The following LHFPL6 variants were observed in gnomAD, a reference collection of about 807,000 sequenced individuals.
LHFPL6 encodes LHFPL tetraspan subfamily member 6 protein.
Under a neutral mutation model 20.6 loss-of-function variants are expected in LHFPL6, and 9 were observed. The ratio of observed to expected loss-of-function variants is 0.44; its 90% CI spans 0.26 to 0.76. The LOEUF (loss-of-function observed/expected upper bound fraction) is 0.76, where lower values mean the gene tolerates loss of function less well. Among genes scored for constraint, LHFPL6 ranks in the 30% least tolerant of loss-of-function variants. The pLI is 0.20. For synonymous variants in LHFPL6, 105 were observed against 98.7 expected, an observed-to-expected ratio of 1.06 and a Z score of -0.38; for missense variants, 218 against 253.5, an observed-to-expected ratio of 0.86 and a Z score of 0.95.
chr13:39,465,887 T>C (rs1258724421), intron 2 of LHFPL6, among the ~76,000 whole-genome samples: 1 of 151,928 alleles, frequency 6.6e-6, no homozygotes, highest in African/African-American at 2.4e-5. Context: ...CCTAGCAAGG[T>C]GTATGTCTGG....
intron 2 of LHFPL6, among the ~76,000 whole-genome samples, chr13:39,472,694 C>T (rs1319845917): frequency 1.3e-5 from 2 of 152,026 alleles, no homozygotes; most frequent in African/African-American, 2.4e-5. Context: ...CTGGAACCTC[C>T]GCCTCCTGGG....
chr13:39,374,143 G>T (rs558176047), intron 3 of LHFPL6, among the ~76,000 whole-genome samples: 3 of 152,004 alleles, frequency 2.0e-5, no homozygotes, highest in Admixed American at 6.6e-5. Context: ...CATCAATGGT[G>T]GATTGGATAA....
chr13:39,590,923 G>A (rs1048437265), intron 2 of LHFPL6, among the ~76,000 whole-genome samples: 1 of 152,254 alleles, frequency 6.6e-6, no homozygotes, highest in African/African-American at 2.4e-5. Flanking sequence ...ATCTGGCTAC[G>A]GCTGTGTTTG....
chr13:39,550,445 A>G (rs1252169153), intron 2 of LHFPL6, among the ~76,000 whole-genome samples: 1 of 152,080 alleles, frequency 6.6e-6, no homozygotes, highest in African/African-American at 2.4e-5. Context: ...CTGTATACAC[A>G]TTTTCCATCA....
intron 2 of LHFPL6, among the ~76,000 whole-genome samples, chr13:39,500,793 T>C (rs1869268346): frequency 6.6e-6 from 1 of 152,234 alleles, no homozygotes; most frequent in Admixed American, 6.5e-5. Context: ...TTAAGTATTC[T>C]GACCAAAAGC....
At chr13:39,406,247 T>G (rs74044051) in intron 2 of LHFPL6, among the ~76,000 whole-genome samples, 1 of 152,212 alleles carries the variant, frequency 6.6e-6, no homozygotes, top group African/African-American at 2.4e-5. Context: ...TGTGTCAGGA[T>G]AGTATCAATG....
chr13:39,453,425 T>G (rs1426111770), intron 2 of LHFPL6, among the ~76,000 whole-genome samples: 1 of 152,222 alleles, frequency 6.6e-6, no homozygotes, highest in African/African-American at 2.4e-5. Flanking sequence ...ATTTAACTCA[T>G]GCAGTACCTT....
chr13:39,448,124 T>C (rs1286481045), intron 2 of LHFPL6, among the ~76,000 whole-genome samples: 1 of 152,086 alleles, frequency 6.6e-6, no homozygotes, highest in Non-Finnish European at 1.5e-5. Flanking sequence ...AGCTACAGAG[T>C]TTCAGTGAGA....
intron 2 of LHFPL6, among the ~76,000 whole-genome samples, chr13:39,492,704 G>C (rs561948937): frequency 1.3e-5 from 2 of 151,050 alleles, no homozygotes; most frequent in African/African-American, 2.4e-5. Flanking sequence ...CACTCCTGTC[G>C]CCCAGGCTGG....
intron 2 of LHFPL6, among the ~76,000 whole-genome samples, chr13:39,470,644 G>C (rs903184956): frequency 2.0e-5 from 3 of 151,896 alleles, no homozygotes; most frequent in Admixed American, 1.3e-4. Context: ...ATAATATATG[G>C]ATTAGTTATT....
At chr13:39,596,275 TAG>T (rs965116710) in intron 2 of LHFPL6, among the ~76,000 whole-genome samples, 5 of 152,124 alleles carry the variant, frequency 3.3e-5, no homozygotes, top group African/African-American at 1.2e-4. Context: ...AGCTCAATTT[TAG>T]AGAGGTTTAT....
intron 2 of LHFPL6, among the ~76,000 whole-genome samples, chr13:39,489,432 T>C (rs1049033577): frequency 1.3e-5 from 2 of 152,168 alleles, no homozygotes; most frequent in Non-Finnish European, 2.9e-5. Flanking sequence ...GGGTTAGTCT[T>C]GATCATCTCT....
chr13:39,386,386 A>T (rs965641861), intron 2 of LHFPL6, among the ~76,000 whole-genome samples: 13 of 152,342 alleles, frequency 8.5e-5, no homozygotes, highest in Non-Finnish European at 1.6e-4. Flanking sequence ...CTACAAAAAA[A>T]AAGGCTTGGT....
At chr13:39,406,562 T>C (rs1307236937) in intron 2 of LHFPL6, among the ~76,000 whole-genome samples, 1 of 152,096 alleles carries the variant, frequency 6.6e-6, no homozygotes, top group African/African-American at 2.4e-5. Flanking sequence ...CAAATTAAAG[T>C]ACAAACACGG....
intron 2 of LHFPL6, among the ~76,000 whole-genome samples, chr13:39,524,603 TCCGGTCATTTATAAAACC>T (rs1364072003): frequency 6.6e-6 from 1 of 152,176 alleles, no homozygotes; most frequent in Non-Finnish European, 1.5e-5. Context: ...GGAAGAGGTA[TCCGGTCATTTATAAAACC>T]CCTGTCTTCT....
At chr13:39,562,417 C>CATATACATATATACACAT (rs1871525394) in intron 2 of LHFPL6, among the ~76,000 whole-genome samples, 3 of 57,902 alleles carry the variant, frequency 5.2e-5, no homozygotes, top group African/African-American at 5.2e-5. Context: ...CACATATACA[C>CATATACATATATACACAT]ATATACATAT....
chr13:39,424,023 A>C (rs567282082), intron 2 of LHFPL6, among the ~76,000 whole-genome samples: 2 of 152,342 alleles, frequency 1.3e-5, no homozygotes, highest in East Asian at 3.9e-4. Context: ...GGAAGAAGGT[A>C]AAATCTCTGT....
chr13:39,343,770 C>A lies in LHFPL6; in HGVS notation c.*166G>T. The A allele has an allele frequency of 3.4e-6, 2 of 590,324 alleles. No individual in the cohort carries two copies. Among genetic ancestry groups the A allele is most frequent in the Non-Finnish European group, 6.0e-6 (2 of 334,488 alleles). 36.6% of individuals were successfully genotyped at this position (590,324 alleles called of 1,614,324 possible). A position where few individuals can be genotyped will look rare whatever the true frequency, so the allele number is the denominator to read the frequency against. On this transcript the variant is annotated 3_prime_UTR_variant, in exon 4 of 4. Coordinates refer to ENST00000379589, the MANE Select transcript of LHFPL6 (RefSeq NM_005780.3). ...TTTTTTTTCCCCCACAAATCTCCTA[C>A]AATCCTTCCTTCCTATATCATGTTC...
chr13:39,380,337 C>A (rs1220193972), intron 2 of LHFPL6, among the ~76,000 whole-genome samples: 1 of 152,036 alleles, frequency 6.6e-6, no homozygotes, highest in Non-Finnish European at 1.5e-5. Flanking sequence ...GCCAGGGGGA[C>A]CCAACCCCCG....
Sources: allele counts gnomAD v4.1 joint callset (sites outside exome capture counted in the v4.1 genomes callset), GRCh38; gene constraint gnomAD v4.1.1; transcripts MANE v1.5; gene names NCBI Gene and HGNC (gene_info 2026-07-23, HGNC 2026-07-21).